CCDC171: variants seen among roughly 807,000 people sequenced by gnomAD.
The protein encoded by CCDC171 is coiled-coil domain-containing protein 171.
In CCDC171, 177 loss-of-function variants were observed where a neutral mutation model predicts 168.2. The observed-to-expected ratio is 1.05, with a 90% CI of 0.93 to 1.19. The LOEUF is 1.19. CCDC171 is among the 50% of genes most tolerant of loss of function. The probability of loss-of-function intolerance (pLI) is 0.00; values close to 1 mark genes in which losing one functional copy is unlikely to be tolerated. For synonymous variants in CCDC171, 687 were observed against 540.8 expected (o/e 1.27, Z -3.75); for missense variants, 1,991 against 1,539.0 (o/e 1.29, Z -4.91).
chr9:15,999,662 G>T (rs989034516), intron 3 of CCDC171, among the ~76,000 whole-genome samples: 2 of 152,156 alleles, frequency 1.3e-5, no homozygotes, highest in East Asian at 3.9e-4. Context: ...GACTCCCTCT[G>T]TGAGGCTCCT....
At chr9:15,696,139 A>C (rs956183677) in intron 11 of CCDC171, among the ~76,000 whole-genome samples, 2 of 152,118 alleles carry the variant, frequency 1.3e-5, no homozygotes, top group African/African-American at 4.8e-5. Context: ...TAAATTTCTC[A>C]CTCTTAAAAA....
At chr9:15,824,370 ATATGTCTG>A (rs2059925879) in intron 21 of CCDC171, among the ~76,000 whole-genome samples, 1 of 152,014 alleles carries the variant, frequency 6.6e-6, no homozygotes, top group East Asian at 1.9e-4. Flanking sequence ...ATGTGTATAT[ATATGTCTG>A]TCACGATGTT....
chr9:15,986,685 C>G (rs1049586111), intron 3 of CCDC171, among the ~76,000 whole-genome samples: 2 of 152,174 alleles, frequency 1.3e-5, no homozygotes, highest in Non-Finnish European at 2.9e-5. Context: ...ACATGGCACT[C>G]TGTAAAAGTA....
intron 25 of CCDC171, among the ~76,000 whole-genome samples, chr9:15,927,087 T>C (rs989355801): frequency 1.1e-4 from 17 of 151,738 alleles, no homozygotes; most frequent in African/African-American, 4.1e-4. Context: ...TATAAAGAGA[T>C]TGATCATATT....
At chr9:15,646,647 A>G (rs2047063946) in intron 7 of CCDC171, among the ~76,000 whole-genome samples, 1 of 126,918 alleles carries the variant, frequency 7.9e-6, no homozygotes, top group Non-Finnish European at 1.8e-5. Flanking sequence ...ATCAAAAGAG[A>G]CAAAGAAGGC....
At chr9:15,566,396 A>G (rs946108363) in intron 2 of CCDC171, among the ~76,000 whole-genome samples, 3 of 151,954 alleles carry the variant, frequency 2.0e-5, no homozygotes, top group Non-Finnish European at 2.9e-5. Flanking sequence ...CATCTCTACA[A>G]AAAAATACAA....
rs568360447 is a variant in CCDC171, at chr9:15,651,125, T to TG, written c.823-6002_823-6001insG. Among the ~76,000 whole-genome samples, 540 of 152,100 alleles carry TG rather than the reference T, an allele frequency of 3.6e-3. 7 individuals are homozygous for TG. Among genetic ancestry groups the TG allele is most frequent in the African/African-American group, 0.013 (521 of 41,504 alleles). On this transcript the variant is annotated intron_variant, in intron 7 of 25. Coordinates refer to ENST00000380701, the MANE Select transcript of CCDC171 (RefSeq NM_173550.4). Reference sequence around the variant, plus strand: ...TTTAATTTTTTAGAATTTTTTTTTTTTTGAGATGAAGTCTCACTGTCTCAC... The same window carrying TG: ...TTTAATTTTTTAGAATTTTTTTTTTTGTTGAGATGAAGTCTCACTGTCTCAC...
chr9:15,755,442 A>G (rs2056046805), intron 18 of CCDC171, among the ~76,000 whole-genome samples: 1 of 152,210 alleles, frequency 6.6e-6, no homozygotes, highest in Non-Finnish European at 1.5e-5. Flanking sequence ...CAAGAGAAAG[A>G]GAAAGGAAAA....
At position 15,729,697 on chromosome 9, in the gene CCDC171, G is replaced by A. The variant is rs142469597; in HGVS notation, c.1948G>A (p.Ala650Thr). The change falls in exon 16 of 26, where the codon GCA (alanine) becomes ACA (threonine). Residue 650 changes from alanine (A) to threonine (T), a missense_variant. By Grantham distance (58) the Ala-to-Thr change is moderately conservative. Coordinates refer to ENST00000380701, the MANE Select transcript of CCDC171 (RefSeq NM_173550.4). ...TCAGGAAGACACCTTTACCAAAGTG[G>A]CAGAACAGATCAAAGCCCAAGAGAG... is the stretch of plus-strand genomic sequence containing the variant. ...QTQEDTFTKVAEQIKAQESCW... is the reference protein window; with the variant it reads ...QTQEDTFTKVTEQIKAQESCW... 211 of 1,613,352 alleles carry A rather than the reference G, an allele frequency of 1.3e-4. 1 individual carries two copies. The highest frequency in any genetic ancestry group is 1.6e-4 in the Non-Finnish European group (187 of 1,179,582).
intron 3 of CCDC171, among the ~76,000 whole-genome samples, chr9:16,003,228 A>G (rs1398467637): frequency 6.6e-6 from 1 of 152,336 alleles, no homozygotes; most frequent in Admixed American, 6.5e-5. Flanking sequence ...CAAGTCATAT[A>G]TCCTCTTGGT....
In CCDC171 at chr9:15,599,767, C is replaced by T. The variant is rs529575180; in HGVS notation, c.675+5595C>T. On this transcript the variant is annotated intron_variant, in intron 6 of 25. Transcript: ENST00000380701. ...GTTCTCCACTTGGTTCCATTCTGCC[C>T]GTCACTTTCAGGTACACCCATCAGA... Among the ~76,000 whole-genome samples, 70 of 152,218 alleles carry T rather than the reference C, an allele frequency of 4.6e-4. 1 individual carries two copies. Among genetic ancestry groups the T allele is most frequent in the African/African-American group, 1.4e-3 (58 of 41,532 alleles).
chr9:15,913,828 A>G (rs965066993), intron 24 of CCDC171, among the ~76,000 whole-genome samples: 2 of 151,890 alleles, frequency 1.3e-5, no homozygotes, highest in African/African-American at 4.8e-5. Context: ...GAGTTTTTGC[A>G]TGCTTGTTCT....
At chr9:15,885,231 A>G (rs539557652) in intron 24 of CCDC171, among the ~76,000 whole-genome samples, 11 of 152,326 alleles carry the variant, frequency 7.2e-5, no homozygotes, top group African/African-American at 1.7e-4. Context: ...GACAAAACGT[A>G]TCAAAGTACA....
At chr9:15,673,861 A>G (rs2049311608) in intron 9 of CCDC171, among the ~76,000 whole-genome samples, 2 of 152,220 alleles carry the variant, frequency 1.3e-5, no homozygotes, top group South Asian at 4.1e-4. Flanking sequence ...TGCTGGCCTC[A>G]TAAAATGAGT....
At position 15,815,893 on chromosome 9, in the gene CCDC171, A is replaced by G. The variant is rs1233993565; in HGVS notation, c.3268-30809A>G. 2.6e-5 allele frequency among the ~76,000 whole-genome samples: 3 copies of G among 117,590 alleles called. 1 individual carries two copies. Among genetic ancestry groups the G allele is most frequent in the Non-Finnish European group, 5.7e-5 (3 of 52,332 alleles). The allele number at this position is 117,590 out of a possible 152,430, so 77.1% of individuals were successfully genotyped here. ...ATTGAGACCTATAAGACAGTTAATT[A>G]TATTTCAAGGTCAGAGAAAAAGAAT... On this transcript the variant is annotated intron_variant, in intron 21 of 25. Transcript: ENST00000380701.
chr9:15,982,630 G>A (rs16933878), intron 3 of CCDC171, among the ~76,000 whole-genome samples: 11,590 of 152,038 alleles, frequency 0.076, 1,449 homozygotes, highest in African/African-American at 0.26. Flanking sequence ...GTTCCTGGGG[G>A]TGTCTGCTCT....
intron 11 of CCDC171, among the ~76,000 whole-genome samples, chr9:15,713,541 C>T (rs1426083931): frequency 2.0e-5 from 3 of 152,036 alleles, no homozygotes; most frequent in East Asian, 3.9e-4. Context: ...ACACAGTAAC[C>T]GTTTCATGAT....
At chr9:15,841,137 A>G (rs2060663700) in intron 21 of CCDC171, among the ~76,000 whole-genome samples, 1 of 152,062 alleles carries the variant, frequency 6.6e-6, no homozygotes, top group Non-Finnish European at 1.5e-5. Context: ...CATTTGCCCC[A>G]TTTGTTGTTA....
intron 4 of CCDC171, among the ~76,000 whole-genome samples, chr9:15,585,648 G>C (rs923186383): frequency 6.6e-6 from 1 of 152,160 alleles, no homozygotes; most frequent in East Asian, 1.9e-4. Flanking sequence ...GAAATGTTCT[G>C]TATTTTGATA....
Sources: gnomAD v4.1 joint callset for allele counts (sites outside exome capture counted in the v4.1 genomes callset) on GRCh38, gnomAD v4.1.1 for gene constraint, MANE v1.5 for transcripts, NCBI Gene and HGNC (gene_info 2026-07-23, HGNC 2026-07-21) for gene names.